ZNF699: variants seen among roughly 807,000 people sequenced by gnomAD.
The protein encoded by ZNF699 is hangover homolog.
ZNF699 carries 18 observed loss-of-function variants against 22.5 expected under a neutral mutation model. The ratio of observed to expected loss-of-function variants is 0.80; its 90% CI spans 0.55 to 1.19. The LOEUF (loss-of-function observed/expected upper bound fraction) is 1.19. Ranked by LOEUF, ZNF699 falls within the 50% of genes most tolerant of loss-of-function variation. The pLI is 0.00. For synonymous variants in ZNF699, 241 were observed against 262.3 expected (o/e 0.92, Z 0.78); for missense variants, 670 against 763.4 (o/e 0.88, Z 1.44).
At position 9,298,141 on chromosome 19, in the gene ZNF699, T is replaced by C. The variant is rs1024040461; in HGVS notation, c.176-151A>G. On this transcript the variant is annotated intron_variant, in intron 3 of 5. Transcript: ENST00000591998. ...CAAAATGTCAAATTTATTTATTTTT[T>C]TTTTTAAAAAAAGGAGAGGTGGCAG... 3.7e-5 allele frequency: 21 copies of C among 565,174 alleles called. No homozygotes were observed. The Middle Eastern group carries it at 3.8e-3, about 102-fold the overall frequency. The allele number at this position is 565,174 out of a possible 1,614,324, so 35.0% of individuals were successfully genotyped here.
chr19:9,299,712 G>A (rs573456589), intron 3 of ZNF699, among the ~76,000 whole-genome samples: 110 of 152,148 alleles, frequency 7.2e-4, no homozygotes, highest in African/African-American at 2.5e-3. Flanking sequence ...AATGTCAACA[G>A]AATGGAAAGA....
At chr19:9,303,389 G>T (rs2066315109) in intron 2 of ZNF699, among the ~76,000 whole-genome samples, 1 of 152,196 alleles carries the variant, frequency 6.6e-6, no homozygotes, top group Non-Finnish European at 1.5e-5. Context: ...TGATTAATTT[G>T]CTGGAACAAC....
At chr19:9,307,293 C>T (rs958597674) in intron 1 of ZNF699, among the ~76,000 whole-genome samples, 2 of 152,186 alleles carry the variant, frequency 1.3e-5, no homozygotes, top group Non-Finnish European at 2.9e-5. Flanking sequence ...TCCCTTATAG[C>T]CCTTACCTCC....
chr19:9,301,446 T>C (rs1332020310), intron 3 of ZNF699, among the ~76,000 whole-genome samples: 1 of 152,106 alleles, frequency 6.6e-6, no homozygotes, highest in Admixed American at 6.5e-5. Flanking sequence ...GCCCTGCTGA[T>C]CCCTTGATTT....
Position 9,296,269 on chromosome 19 carries a change from T to C in ZNF699, c.1135A>G (p.Thr379Ala). 1 of 1,614,102 alleles carries C rather than the reference T, an allele frequency of 6.2e-7. No individual in the cohort carries two copies. ...CCAGTATGTGTCCTCCCATGTACAG[T>C]GAGTTTTGAGGACTCGCTGAAGGCC... ...GKAFSESSKLTVHGRTHTGEK... is the reference protein window; with the variant it reads ...GKAFSESSKLAVHGRTHTGEK... The change falls in exon 6 of 6, where the codon ACT becomes GCT. Residue 379 changes from threonine to alanine, a missense_variant. Physicochemically the swap from Thr to Ala is moderately conservative, Grantham distance 58. Transcript: ENST00000591998.
intron 1 of ZNF699, among the ~76,000 whole-genome samples, 162 bp from the exon 2 acceptor site, chr19:9,305,286 C>T (rs1269983901): frequency 6.6e-6 from 1 of 151,950 alleles, no homozygotes; most frequent in Non-Finnish European, 1.5e-5. Context: ...CACACACACA[C>T]ATGCACACAC....
At chr19:9,304,945 A>G (rs1270843883) in intron 2 of ZNF699, 127 bp downstream of exon 2, 1 of 571,106 alleles carries the variant, frequency 1.8e-6, no homozygotes, top group Non-Finnish European at 2.9e-6. Context: ...AAAAAACTAT[A>G]GCCTTCAGTG....
intron 2 of ZNF699, among the ~76,000 whole-genome samples, chr19:9,303,010 AAAAAAC>A (rs1262970193): frequency 4.7e-5 from 7 of 149,914 alleles, no homozygotes; most frequent in African/African-American, 7.6e-5. Flanking sequence ...CCTGGACAAA[AAAAAAC>A]AAAAACAAAA....
chr19:9,293,222 A>G lies in ZNF699; in HGVS notation c.*2253T>C, dbSNP rs369120100. 1.1e-4 allele frequency among the ~76,000 whole-genome samples: 16 copies of G among 152,156 alleles called. No individual in the cohort carries two copies. In the East Asian group the frequency reaches 2.1e-3, roughly 20 times the overall value. ...AAAAATCCAAATAGCCAATAAGCAC[A>G]TCGAAAAGTACTCGAAATCATTACA... On this transcript the variant is annotated 3_prime_UTR_variant, in exon 6 of 6. Transcript: ENST00000591998.
At chr19:9,300,044 CACA>C (rs201164943) in intron 3 of ZNF699, among the ~76,000 whole-genome samples, 2,191 of 152,238 alleles carry the variant, frequency 0.014, 32 homozygotes, top group African/African-American at 0.028. Flanking sequence ...CCTGAACATT[CACA>C]ACAACAAATG....
In ZNF699 at chr19:9,296,459, G is replaced by A. The variant is rs775765015; in HGVS notation, c.945C>T (p.Ala315=). Residue 315 remains alanine (A), a synonymous_variant, in exon 6 of 6, where the codon GCC becomes GCT. Coordinates refer to ENST00000591998, the MANE Select transcript of ZNF699 (RefSeq NM_198535.3). The part of the protein sequence containing the change: ...KPYECKECGK[A]FSCSSSLSKH... ...TGGAGAGTGAGGAGGAACAACTGAA[G>A]GCCTTCCCACATTCCTTACATTCAT... 1.2e-5 allele frequency: 19 copies of A among 1,613,880 alleles called. No individual in the cohort carries two copies. The highest frequency in any genetic ancestry group is 3.3e-5 in the South Asian group (3 of 91,084).
intron 3 of ZNF699, 129 bp downstream of exon 3, chr19:9,302,249 G>T (rs1280821368): frequency 9.2e-7 from 1 of 1,090,574 alleles, no homozygotes; most frequent in Non-Finnish European, 1.3e-6. Flanking sequence ...GTTCCTTGGG[G>T]TCAGTGACCA....
At position 9,292,537 on chromosome 19, in the gene ZNF699, A is replaced by G. The variant is rs892644172; in HGVS notation, c.*2938T>C. On this transcript the variant is annotated 3_prime_UTR_variant, in exon 6 of 6. Coordinates refer to ENST00000591998, the MANE Select transcript of ZNF699 (RefSeq NM_198535.3). ...AGCCAAGACAGGGAGACAGAATTCAACTAGATAACATTTTTTTAGCCCCAG... is the reference window on the plus strand; with the variant it reads ...AGCCAAGACAGGGAGACAGAATTCAGCTAGATAACATTTTTTTAGCCCCAG... 6.6e-6 allele frequency among the ~76,000 whole-genome samples: 1 copy of G among 152,190 alleles called. No individual in the cohort carries two copies. The highest frequency in any genetic ancestry group is 1.5e-5 in the Non-Finnish European group (1 of 68,030).
At chr19:9,299,165 C>T (rs371681815) in intron 3 of ZNF699, among the ~76,000 whole-genome samples, 9 of 152,304 alleles carry the variant, frequency 5.9e-5, no homozygotes, top group African/African-American at 1.4e-4. Flanking sequence ...GACGGAGTCT[C>T]GCTCTGTCGC....
chr19:9,301,741 G>A (rs1175339672), intron 3 of ZNF699, among the ~76,000 whole-genome samples: 1 of 152,132 alleles, frequency 6.6e-6, no homozygotes, highest in Non-Finnish European at 1.5e-5. Flanking sequence ...AAAGGACACA[G>A]ATAGCAGTAA....
chr19:9,305,113 C>T lies in ZNF699; in HGVS notation c.7G>A (p.Glu3Lys), dbSNP rs2066322577. ...TGTAACTCAGCAGTTTTTCTTTCTT[C>T]CTCCATGTCGCCTTCATGAAGAAAA... ME[E>K]ERKTAELQKN... The change falls in exon 2 of 6, where the codon GAA (glutamate) becomes AAA (lysine). Residue 3 changes from glutamate (E) to lysine (K), a missense_variant. By Grantham distance (56) the Glu-to-Lys change is moderately conservative. Coordinates refer to ENST00000591998, the MANE Select transcript of ZNF699 (RefSeq NM_198535.3). 2.5e-6 allele frequency: 4 copies of T among 1,613,188 alleles called. No homozygotes were observed. The highest frequency in any genetic ancestry group is 1.3e-5 in the African/African-American group (1 of 74,868).
At chr19:9,298,928 G>A (rs534558809) in intron 3 of ZNF699, among the ~76,000 whole-genome samples, 1 of 152,304 alleles carries the variant, frequency 6.6e-6, no homozygotes, top group East Asian at 1.9e-4. Context: ...ATACAATGGA[G>A]AAAAGCTAAG....
chr19:9,302,091 G>A (rs1234908571), intron 3 of ZNF699, among the ~76,000 whole-genome samples: 3 of 151,734 alleles, frequency 2.0e-5, no homozygotes, highest in East Asian at 1.9e-4. Flanking sequence ...TAGTAGAGAC[G>A]GGGTTTCTCC....
chr19:9,295,282 A>T lies in ZNF699; in HGVS notation c.*193T>A, dbSNP rs2066280058. 4.9e-6 allele frequency: 3 copies of T among 617,334 alleles called. No individual in the cohort carries two copies. The highest frequency in any genetic ancestry group is 4.4e-4 in the Middle Eastern group (1 of 2,266). The allele number at this position is 617,334 out of a possible 1,614,324, so 38.2% of individuals were successfully genotyped here. The stretch of plus-strand genomic sequence containing the variant: ...ATTTCTAGTAGAGATTTTCTTATAC[A>T]TAATAAGCAATGTTCATAAAGGCTT... On this transcript the variant is annotated 3_prime_UTR_variant, in exon 6 of 6. Transcript: ENST00000591998.
Sources: allele counts gnomAD v4.1 joint callset (sites outside exome capture counted in the v4.1 genomes callset), GRCh38; gene constraint gnomAD v4.1.1; transcripts MANE v1.5; gene names NCBI Gene and HGNC (gene_info 2026-07-23, HGNC 2026-07-21).